CAMK2D: variants seen among roughly 807,000 people sequenced by gnomAD.
The protein encoded by CAMK2D is calcium/calmodulin dependent protein kinase II delta.
Under a neutral mutation model 84.0 loss-of-function variants are expected in CAMK2D, and 37 were observed. That is an observed-to-expected ratio of 0.44 (90% confidence interval 0.34 to 0.58). The LOEUF (loss-of-function observed/expected upper bound fraction) is 0.58, where lower values mean the gene tolerates loss of function less well. Among genes scored for constraint, CAMK2D ranks in the 20% least tolerant of loss-of-function variants. The probability of loss-of-function intolerance (pLI) is 0.02; values close to 1 mark genes in which losing one functional copy is unlikely to be tolerated. For missense variants in CAMK2D, 448 were observed against 652.5 expected, an observed-to-expected ratio of 0.69 and a Z score of 3.41; for synonymous variants, 202 against 212.5, an observed-to-expected ratio of 0.95 and a Z score of 0.43.
At chr4:113,717,561 T>C (rs1185932608) in intron 2 of CAMK2D, among the ~76,000 whole-genome samples, 3 of 152,064 alleles carry the variant, frequency 2.0e-5, no homozygotes, top group Non-Finnish European at 4.4e-5. Context: ...AAAATCTTTA[T>C]CTCCAAAAGT....
At chr4:113,634,064 G>A (rs554631837) in intron 3 of CAMK2D, among the ~76,000 whole-genome samples, 1 of 152,272 alleles carries the variant, frequency 6.6e-6, no homozygotes. Flanking sequence ...GTGCTTTTTA[G>A]CACAAGTAGA....
intron 8 of CAMK2D, among the ~76,000 whole-genome samples, chr4:113,527,299 A>C (rs1251299189): frequency 6.6e-6 from 1 of 151,362 alleles, no homozygotes; most frequent in East Asian, 1.9e-4. Context: ...GAGATGGGTC[A>C]TCCTATGTTG....
chr4:113,463,185 C>T (rs189046541), intron 17 of CAMK2D, among the ~76,000 whole-genome samples: 5 of 152,040 alleles, frequency 3.3e-5, no homozygotes, highest in Admixed American at 6.5e-5. Context: ...TAGCTAATCT[C>T]GTCCATATTT....
intron 2 of CAMK2D, among the ~76,000 whole-genome samples, chr4:113,712,360 T>C (rs2099496035): frequency 6.6e-6 from 1 of 152,156 alleles, no homozygotes; most frequent in African/African-American, 2.4e-5. Context: ...AATTCATATA[T>C]TATTTATAGA....
intron 3 of CAMK2D, among the ~76,000 whole-genome samples, chr4:113,657,536 A>T (rs1455918004): frequency 1.3e-5 from 2 of 152,194 alleles, no homozygotes. Context: ...AAGATTATAA[A>T]AAGGCAAAAA....
chr4:113,723,890 C>T (rs2099538376), intron 2 of CAMK2D, among the ~76,000 whole-genome samples: 1 of 152,066 alleles, frequency 6.6e-6, no homozygotes, highest in Non-Finnish European at 1.5e-5. Flanking sequence ...TCTGTTTCTG[C>T]AATTAATATT....
chr4:113,532,390 T>C (rs1013938160), intron 7 of CAMK2D, among the ~76,000 whole-genome samples: 2 of 152,204 alleles, frequency 1.3e-5, no homozygotes, highest in African/African-American at 2.4e-5. Flanking sequence ...AAGCTTCAAA[T>C]GGACCCTGGG....
intron 3 of CAMK2D, among the ~76,000 whole-genome samples, chr4:113,629,016 AC>A (rs1253055338): frequency 1.3e-5 from 2 of 152,062 alleles, no homozygotes; most frequent in East Asian, 3.8e-4. Flanking sequence ...CTAGAATTGA[AC>A]AAAATACCTA....
chr4:113,646,675 G>A (rs914532069), intron 3 of CAMK2D, among the ~76,000 whole-genome samples: 1 of 152,210 alleles, frequency 6.6e-6, no homozygotes, highest in Non-Finnish European at 1.5e-5. Context: ...GAGCAACTGA[G>A]GGGGAGAGAA....
rs1488940297 is a variant in CAMK2D at position 113,709,745 on chromosome 4, C to CGA, written c.161-47975_161-47974dup. On this transcript the variant is annotated intron_variant, in intron 2 of 20. Coordinates refer to ENST00000511664, the MANE Select transcript of CAMK2D (RefSeq NM_001321571.2). ...AGAGTGAAAAGCTAAAAGCCGTGAA[C>CGA]GATATATATATATATATATATATAT... Among the ~76,000 whole-genome samples, 200 of 24,494 alleles carry CGA rather than the reference C, an allele frequency of 8.2e-3. 8 individuals are homozygous for CGA. Among genetic ancestry groups the CGA allele is most frequent in the Non-Finnish European group, 0.012 (169 of 14,550 alleles). 16.1% of individuals were successfully genotyped at this position (24,494 alleles called of 152,430 possible).
chr4:113,722,352 G>A (rs185247708), intron 2 of CAMK2D, among the ~76,000 whole-genome samples: 5 of 152,232 alleles, frequency 3.3e-5, no homozygotes, highest in African/African-American at 9.6e-5. Flanking sequence ...ACATTAGAAA[G>A]TTTACTAAAG....
chr4:113,673,104 G>T (rs2099299422), intron 2 of CAMK2D, among the ~76,000 whole-genome samples: 1 of 152,092 alleles, frequency 6.6e-6, no homozygotes, highest in Non-Finnish European at 1.5e-5. Flanking sequence ...GACTACTCAG[G>T]ATAGAGTGGT....
chr4:113,756,093 A>G (rs1054312311), intron 2 of CAMK2D, among the ~76,000 whole-genome samples: 2 of 152,016 alleles, frequency 1.3e-5, no homozygotes, highest in African/African-American at 2.4e-5. Context: ...AAATTCTTCA[A>G]TTGACTCAGA....
rs148537983 is a variant in CAMK2D at position 113,541,807 on chromosome 4, G to A, written c.415-4364C>T. ...CTGTCACTTATCTTTTGCCAAAGAA[G>A]GTGCAAATGAAGCTCCCCAATATAA... is the stretch of plus-strand genomic sequence containing the variant. On this transcript the variant is annotated intron_variant, in intron 6 of 20. Coordinates refer to ENST00000511664, the MANE Select transcript of CAMK2D (RefSeq NM_001321571.2). 1.2e-3 allele frequency among the ~76,000 whole-genome samples: 186 copies of A among 151,952 alleles called. 1 individual carries two copies. Among genetic ancestry groups the A allele is most frequent in the Middle Eastern group, 3.4e-3 (1 of 292 alleles).
intron 4 of CAMK2D, among the ~76,000 whole-genome samples, chr4:113,567,360 G>A (rs1244419926): frequency 6.6e-6 from 1 of 151,840 alleles, no homozygotes; most frequent in Non-Finnish European, 1.5e-5. Flanking sequence ...TAGAGACGGG[G>A]TTTCACCATG....
rs1480707855 is a variant in CAMK2D, at chr4:113,469,291, GATA to G, written c.1136-3690_1136-3688del. On this transcript the variant is annotated intron_variant, in intron 16 of 20. Transcript: ENST00000511664. Reference sequence around the variant, plus strand: ...GCAGTGATTATTTCTTGGTTTAACAGATAAATAAAGGGATTATGCGCATTGCCC... The same window carrying G: ...GCAGTGATTATTTCTTGGTTTAACAGAATAAAGGGATTATGCGCATTGCCC... Among the ~76,000 whole-genome samples, 3 of 152,192 alleles carry G rather than the reference GATA, an allele frequency of 2.0e-5. No individual in the cohort carries two copies. The East Asian group carries it at 5.8e-4, about 29-fold the overall frequency.
At chr4:113,601,084 G>A (rs2098950003) in intron 4 of CAMK2D, among the ~76,000 whole-genome samples, 1 of 152,190 alleles carries the variant, frequency 6.6e-6, no homozygotes, top group Non-Finnish European at 1.5e-5. Context: ...TTATCACGAA[G>A]AACCTACCTC....
At chr4:113,457,656 G>C in intron 18 of CAMK2D, 93 bp from the exon 19 acceptor site, 1 of 906,006 alleles carries the variant, frequency 1.1e-6, no homozygotes, top group Admixed American at 2.2e-5. Flanking sequence ...TGAATGAAAT[G>C]ACATTTATTC....
intron 2 of CAMK2D, among the ~76,000 whole-genome samples, chr4:113,747,180 T>C (rs1335179154): frequency 5.3e-5 from 8 of 151,976 alleles, no homozygotes; most frequent in Non-Finnish European, 1.2e-4. Context: ...CGAAGTTGTC[T>C]TCTAAGTGAA....
Sources: allele counts gnomAD v4.1 joint callset (sites outside exome capture counted in the v4.1 genomes callset), GRCh38; gene constraint gnomAD v4.1.1; transcripts MANE v1.5; gene names NCBI Gene and HGNC (gene_info 2026-07-23, HGNC 2026-07-21).